Variants in FRMD4B observed in about 807,000 individuals in gnomAD.
The protein encoded by FRMD4B is FERM domain containing 4B, also known as FERM domain-containing protein 4B.
Under a neutral mutation model 141.5 loss-of-function variants are expected in FRMD4B, and 74 were observed. The ratio of observed to expected loss-of-function variants is 0.52; its 90% CI spans 0.43 to 0.63. The LOEUF (loss-of-function observed/expected upper bound fraction) is 0.63, where lower values mean the gene tolerates loss of function less well. Among genes scored for constraint, FRMD4B ranks in the 30% least tolerant of loss-of-function variants. The pLI is 0.00. For synonymous variants in FRMD4B, 506 were observed against 467.9 expected, an observed-to-expected ratio of 1.08 and a Z score of -1.05; for missense variants, 1,366 against 1,253.4, an observed-to-expected ratio of 1.09 and a Z score of -1.36.
intron 5 of FRMD4B, among the ~76,000 whole-genome samples, chr3:69,281,823 CAAAAAAA>C (rs869209332): frequency 7.6e-6 from 1 of 131,486 alleles, no homozygotes; most frequent in African/African-American, 2.9e-5. Flanking sequence ...GACTCCGTCT[CAAAAAAA>C]AAAAAAAAAT....
chr3:69,182,403 T>C (rs1224856389), intron 20 of FRMD4B, among the ~76,000 whole-genome samples, 195 bp downstream of exon 20: 5 of 152,192 alleles, frequency 3.3e-5, no homozygotes, highest in Admixed American at 6.5e-5. Flanking sequence ...AAAAATCTAA[T>C]GTATATTTGA....
At chr3:69,459,726 C>A (rs1705680921) in intron 1 of FRMD4B, among the ~76,000 whole-genome samples, 1 of 152,186 alleles carries the variant, frequency 6.6e-6, no homozygotes, top group Non-Finnish European at 1.5e-5. Flanking sequence ...GCATGTACCT[C>A]CACAGGACTG....
At position 69,263,772 on chromosome 3, in the gene FRMD4B, T is replaced by C. The variant is rs150848610; in HGVS notation, c.502-13673A>G. Reference sequence around the variant, plus strand: ...TACAAAGTTAAGAAACAACTCCTGATCTTACTTGTATCCTTTTCCATCTGA... The same window carrying C: ...TACAAAGTTAAGAAACAACTCCTGACCTTACTTGTATCCTTTTCCATCTGA... On this transcript the variant is annotated intron_variant, in intron 5 of 22. Transcript: ENST00000398540. Among the ~76,000 whole-genome samples the C allele has an allele frequency of 3.2e-3, 476 of 150,162 alleles. 3 individuals carry two copies. Among genetic ancestry groups the C allele is most frequent in the African/African-American group, 0.011 (451 of 40,926 alleles).
At chr3:69,214,507 T>C (rs1295970130) in intron 11 of FRMD4B, among the ~76,000 whole-genome samples, 1 of 152,126 alleles carries the variant, frequency 6.6e-6, no homozygotes, top group Non-Finnish European at 1.5e-5. Flanking sequence ...GTGATCTATA[T>C]GGATTCTTCA....
rs80030702 is a variant in FRMD4B, at chr3:69,422,801, G to GAA, written c.-1+9831_-1+9832dup. Reference sequence around the variant, plus strand: ...ATACAACCATTTAAAAATGAAAAAGGAAAAAAAAAACATTCTTAGCTCAGG... The same window carrying GAA: ...ATACAACCATTTAAAAATGAAAAAGGAAAAAAAAAAAACATTCTTAGCTCAGG... On this transcript the variant is annotated intron_variant, in intron 2 of 5. Coordinates refer to the FRMD4B transcript ENST00000459638. Among the ~76,000 whole-genome samples, 1,198 of 149,240 alleles carry GAA rather than the reference G, an allele frequency of 8.0e-3. 17 individuals carry two copies. The highest frequency in any genetic ancestry group is 0.024 in the African/African-American group (959 of 40,612).
At chr3:69,280,903 G>A (rs2093641755) in intron 5 of FRMD4B, among the ~76,000 whole-genome samples, 1 of 151,984 alleles carries the variant, frequency 6.6e-6, no homozygotes, top group South Asian at 2.1e-4. Flanking sequence ...ACAGGCATGA[G>A]ACATCACACC....
At chr3:69,506,706 AT>A (rs1553648632) in intron 1 of FRMD4B, among the ~76,000 whole-genome samples, 4 of 151,454 alleles carry the variant, frequency 2.6e-5, no homozygotes, top group Non-Finnish European at 2.9e-5. Flanking sequence ...GCTACAGCTA[AT>A]TTTTTTGGGG....
chr3:69,356,790 G>T (rs1703337390), intron 1 of FRMD4B, among the ~76,000 whole-genome samples: 1 of 151,864 alleles, frequency 6.6e-6, no homozygotes, highest in African/African-American at 2.4e-5. Flanking sequence ...AAAATCTGGG[G>T]CTACCAGGAA....
chr3:69,343,570 G>GT (rs764348717), intron 1 of FRMD4B, among the ~76,000 whole-genome samples: 10 of 84,214 alleles, frequency 1.2e-4, no homozygotes, highest in East Asian at 5.8e-4. Flanking sequence ...TGTCTTAACA[G>GT]TTTTTTGTTT....
At chr3:69,335,112 G>A (rs1266934208) in intron 1 of FRMD4B, among the ~76,000 whole-genome samples, 1 of 152,166 alleles carries the variant, frequency 6.6e-6, no homozygotes, top group East Asian at 1.9e-4. Context: ...GTTATGCCCT[G>A]AGCTATGAGC....
At chr3:69,366,243 G>A (rs1415595416) in intron 1 of FRMD4B, among the ~76,000 whole-genome samples, 1 of 148,124 alleles carries the variant, frequency 6.8e-6, no homozygotes, top group Non-Finnish European at 1.5e-5. Context: ...CTAGGCAACA[G>A]AGCAAGGCTC....
chr3:69,237,559 C>A (rs1243588513), intron 7 of FRMD4B, among the ~76,000 whole-genome samples: 1 of 152,088 alleles, frequency 6.6e-6, no homozygotes, highest in Admixed American at 6.6e-5. Context: ...GCAAAGAAGG[C>A]CTTCATGGGG....
chr3:69,496,208 C>G (rs1017373975), intron 1 of FRMD4B, among the ~76,000 whole-genome samples: 2 of 152,136 alleles, frequency 1.3e-5, no homozygotes, highest in African/African-American at 4.8e-5. Context: ...GCCAGACGCT[C>G]AAATCTGTCT....
intron 1 of FRMD4B, among the ~76,000 whole-genome samples, chr3:69,332,732 ACAC>A (rs1253788062): frequency 7.0e-6 from 1 of 142,470 alleles, no homozygotes; most frequent in African/African-American, 2.6e-5. Context: ...GTGCACCACC[ACAC>A]CTGGCTATTT....
intron 1 of FRMD4B, among the ~76,000 whole-genome samples, chr3:69,433,325 C>T: frequency 6.6e-6 from 1 of 152,176 alleles, no homozygotes; most frequent in Admixed American, 6.5e-5. Flanking sequence ...GAAAAGAAAA[C>T]AGCTTTTCCC....
intron 7 of FRMD4B, among the ~76,000 whole-genome samples, chr3:69,244,804 G>T (rs572069119): frequency 6.6e-6 from 1 of 152,252 alleles, no homozygotes; most frequent in South Asian, 2.1e-4. Flanking sequence ...TGAGGCAGGA[G>T]AACTGCTTGA....
At chr3:69,289,169 A>T (rs922054900) in intron 4 of FRMD4B, among the ~76,000 whole-genome samples, 1 of 152,222 alleles carries the variant, frequency 6.6e-6, no homozygotes, top group Non-Finnish European at 1.5e-5. Flanking sequence ...TAGGTTTTGG[A>T]ATCCAAAAGA....
Position 69,182,731 on chromosome 3 carries a change from A to T in FRMD4B, c.1920-14T>A, listed in dbSNP as rs2092721503. ...GACAGCATTTCTCTGTGATGATAAAAAGAAGAATTCAGGAAATGATGAGTC... is the reference window on the plus strand; with the variant it reads ...GACAGCATTTCTCTGTGATGATAAATAGAAGAATTCAGGAAATGATGAGTC... On this transcript the variant is annotated splice_polypyrimidine_tract_variant and intron_variant, in intron 19 of 22. Transcript: ENST00000398540. 1 of 1,610,368 alleles carries T rather than the reference A, an allele frequency of 6.2e-7. No individual in the cohort carries two copies. The highest frequency in any genetic ancestry group is 1.7e-5 in the Admixed American group (1 of 58,550).
intron 1 of FRMD4B, among the ~76,000 whole-genome samples, chr3:69,447,058 G>T (rs1245351214): frequency 6.6e-6 from 1 of 152,104 alleles, no homozygotes; most frequent in African/African-American, 2.4e-5. Flanking sequence ...TTCAGTATAG[G>T]GGTGGTTCAT....
Sources: allele counts gnomAD v4.1 joint callset (sites outside exome capture counted in the v4.1 genomes callset), GRCh38; gene constraint gnomAD v4.1.1; transcripts MANE v1.5; gene names NCBI Gene and HGNC (gene_info 2026-07-23, HGNC 2026-07-21).